PDCD2: variants seen among roughly 807,000 people sequenced by gnomAD.
The protein encoded by PDCD2 is uS5 assembly chaperone PDCD2.
PDCD2 carries 38 observed loss-of-function variants against 38.1 expected under a neutral mutation model. The ratio of observed to expected loss-of-function variants is 1.00; its 90% CI spans 0.77 to 1.31. The LOEUF is 1.31. Ranked by LOEUF, PDCD2 falls within the 50% of genes most tolerant of loss-of-function variation. The pLI, the probability that PDCD2 is intolerant of heterozygous loss-of-function variation, is 0.00. For synonymous variants in PDCD2, 205 were observed against 168.9 expected (o/e 1.21, Z -1.66); for missense variants, 473 against 435.7 (o/e 1.09, Z -0.76).
Position 170,580,033 on chromosome 6 carries a change from A to C in PDCD2, c.731T>G (p.Phe244Cys), listed in dbSNP as rs1377713500. ...ESREDKIFQK[F>C]KTQIALEPEQ... ...TGGTTCAAGGGCTATCTGAGTTTTA[A>C]ACTTCTGAAAAATTTTATCTTCCCT... Residue 244 changes from phenylalanine (F) to cysteine (C), a missense_variant, in exon 4 of 6, where the codon TTT becomes TGT. Phe to Cys is a radical substitution (Grantham distance 205). Coordinates refer to ENST00000541970, the MANE Select transcript of PDCD2 (RefSeq NM_002598.4). 4 of 1,609,106 alleles carry C rather than the reference A, an allele frequency of 2.5e-6. No individual in the cohort carries two copies. The highest frequency in any genetic ancestry group is 3.4e-6 in the Non-Finnish European group (4 of 1,175,560).
Position 170,584,437 on chromosome 6 carries a change from G to A in PDCD2, c.145C>T (p.Leu49=), listed in dbSNP as rs1260727509. Residue 49 remains leucine (L), a synonymous_variant, in exon 1 of 6, where the codon CTG becomes TTG. Coordinates refer to ENST00000541970, the MANE Select transcript of PDCD2 (RefSeq NM_002598.4). ...GGGCGGCCGCACAGCTCGCAGGCCA[G>A]GGCCTGGGGCCCCGGCAGCCCGGCC... The part of the protein sequence containing the change: ...GAAGLPGPQA[L]ACELCGRPLS... 9 of 1,342,600 alleles carry A rather than the reference G, an allele frequency of 6.7e-6. No homozygotes were observed. The highest frequency in any genetic ancestry group is 1.5e-5 in the African/African-American group (1 of 65,964). The allele number at this position is 1,342,600 out of a possible 1,614,324, so 83.2% of individuals were successfully genotyped here. A position where few individuals can be genotyped will look rare whatever the true frequency, so the allele number is the denominator to read the frequency against.
Position 170,584,323 on chromosome 6 carries a change from G to T in PDCD2, c.259C>A (p.Gln87Lys). ...CCTCGCAGGCCGGCACAGCACGGCT[G>T]CTCGCGGCAGCAGAAGAGGAAGATG... The part of the protein sequence containing the change: ...RCIFLFCCRE[Q>K]PCCAGLRVFR... The change falls in exon 1 of 6, where the codon CAG becomes AAG. Residue 87 changes from glutamine (Q) to lysine (K), a missense_variant. Physicochemically the swap from Gln to Lys is moderately conservative, Grantham distance 53. Coordinates refer to ENST00000541970, the MANE Select transcript of PDCD2 (RefSeq NM_002598.4). The T allele has an allele frequency of 6.7e-7, 1 of 1,496,974 alleles. No homozygotes were observed. Among genetic ancestry groups the T allele is most frequent in the South Asian group, 1.3e-5 (1 of 78,690 alleles). The allele number at this position is 1,496,974 out of a possible 1,614,324, so 92.7% of individuals were successfully genotyped here.
In PDCD2 at chr6:170,578,875, C is replaced by G. The variant is rs1331074417; in HGVS notation, c.858G>C (p.Lys286Asn). 7 of 1,604,648 alleles carry G rather than the reference C, an allele frequency of 4.4e-6. No individual in the cohort carries two copies. Among genetic ancestry groups the G allele is most frequent in the African/African-American group, 4.0e-5 (3 of 74,668 alleles). ...KDIPDCPCGA[K>N]RILEFQVMPQ... The stretch of plus-strand genomic sequence containing the variant: ...GTCATACCTGGAATTCCAATATTCT[C>G]TTGGCACCACAGGGGCAATCTGGAA... The change falls in exon 5 of 6, where the codon AAG (lysine) becomes AAC (asparagine). Residue 286 changes from lysine (K) to asparagine (N), a missense_variant. Physicochemically the swap from Lys to Asn is moderately conservative, Grantham distance 94 (BLOSUM62 0). Transcript: ENST00000541970.
At chr6:170,582,114 A>AGG (rs1779625195) in intron 3 of PDCD2, 1 of 1,532,078 alleles carries the variant, frequency 6.5e-7, no homozygotes, top group African/African-American at 1.4e-5. Context: ...GGCCCCTTCC[A>AGG]GGCAGTCTTC....
At chr6:170,584,223 C>T in intron 1 of PDCD2, 76 bp downstream of exon 1, 1 of 1,295,024 alleles carries the variant, frequency 7.7e-7, no homozygotes, top group Non-Finnish European at 9.8e-7. Flanking sequence ...GCCGCCGTCC[C>T]CCTGGTCGCT....
At position 170,576,268 on chromosome 6, in the gene PDCD2, T is replaced by C. The variant is rs1325523079; in HGVS notation, c.*1291A>G. ...AAATTGCATATGTATACTTATATAATATGGACTACTAGGACAGAACTTTTT... is the reference window on the plus strand; with the variant it reads ...AAATTGCATATGTATACTTATATAACATGGACTACTAGGACAGAACTTTTT... On this transcript the variant is annotated 3_prime_UTR_variant, in exon 6 of 6. Coordinates refer to ENST00000541970, the MANE Select transcript of PDCD2 (RefSeq NM_002598.4). The C allele has an allele frequency of 6.6e-6, 1 of 152,224 alleles. No homozygotes were observed. The highest frequency in any genetic ancestry group is 6.5e-5 in the Admixed American group (1 of 15,288). 9.4% of individuals were successfully genotyped at this position (152,224 alleles called of 1,614,324 possible).
Position 170,584,561 on chromosome 6 carries a change from C to T in PDCD2, c.21G>A (p.Arg7=), listed in dbSNP as rs1280145723. 7.7e-7 allele frequency: 1 copy of T among 1,294,828 alleles called. No individual in the cohort carries two copies. The highest frequency in any genetic ancestry group is 2.4e-5 in the South Asian group (1 of 42,380). The allele number at this position is 1,294,828 out of a possible 1,614,324, so 80.2% of individuals were successfully genotyped here. The change falls in exon 1 of 6, where the codon AGG becomes AGA. Residue 7 remains arginine, a synonymous_variant. Transcript: ENST00000541970. ...ACTCGGCGAAGCCCAGCTCCACAGG[C>T]CTGGCCCCGGCGGCAGCCATGCGGG... MAAAGA[R]PVELGFAESA...
At chr6:170,582,239 A>G in intron 3 of PDCD2, 5 of 1,439,758 alleles carry the variant, frequency 3.5e-6, no homozygotes, top group Non-Finnish European at 4.7e-6. Context: ...GCATCTGACC[A>G]CTGGAGTGTT....
At chr6:170,580,877 T>C (rs1199351844) in intron 3 of PDCD2, among the ~76,000 whole-genome samples, 2 of 152,184 alleles carry the variant, frequency 1.3e-5, no homozygotes, top group East Asian at 3.9e-4. Context: ...GAAGCTAAAA[T>C]AACTGCTTTG....
In PDCD2 at chr6:170,583,597, G is replaced by A. The variant is rs1215519732; in HGVS notation, c.434C>T (p.Thr145Met). Residue 145 changes from threonine to methionine, a missense_variant, in exon 2 of 6, where the codon ACG becomes ATG. Physicochemically the swap from Thr to Met is moderately conservative, Grantham distance 81. Coordinates refer to ENST00000541970, the MANE Select transcript of PDCD2 (RefSeq NM_002598.4). ...ATATGCTTTGTGGCATCTGGAGCAC[G>A]TTTTGGGGCCTAAACAGCCACAAAC... ...CRVCGCLGPK[T>M]CSRCHKAYYC... 3 of 1,613,772 alleles carry A rather than the reference G, an allele frequency of 1.9e-6. No homozygotes were observed. The highest frequency in any genetic ancestry group is 2.5e-6 in the Non-Finnish European group (3 of 1,179,864).
rs1779452570 is a variant in PDCD2 at position 170,576,360 on chromosome 6, G to A, written c.*1199C>T. The A allele has an allele frequency of 6.6e-6, 1 of 152,238 alleles. No homozygotes were observed. Among genetic ancestry groups the A allele is most frequent in the South Asian group, 2.1e-4 (1 of 4,838 alleles). 9.4% of individuals were successfully genotyped at this position (152,238 alleles called of 1,614,324 possible). On this transcript the variant is annotated 3_prime_UTR_variant, in exon 6 of 6. Coordinates refer to ENST00000541970, the MANE Select transcript of PDCD2 (RefSeq NM_002598.4). ...AGTGATGTTACCTATGAAAACGTGA[G>A]GATTTATGGTGGCAATGCATTTCAG...
intron 2 of PDCD2, 50 bp from the exon 3 acceptor site, chr6:170,583,238 G>A (rs781365823): frequency 3.0e-6 from 4 of 1,322,884 alleles, no homozygotes. Context: ...TTTGAAGACA[G>A]TCTAATAATT....
intron 3 of PDCD2, chr6:170,581,230 C>T (rs1779586054): frequency 6.6e-6 from 1 of 152,184 alleles, no homozygotes; most frequent in African/African-American, 2.4e-5. Context: ...CTTCCACCTC[C>T]ATTACTCTGA....
At position 170,576,039 on chromosome 6, in the gene PDCD2, CTT is replaced by C. The variant is rs752399456; in HGVS notation, c.*1518_*1519del. 2.6e-5 allele frequency: 4 copies of C among 152,336 alleles called. No homozygotes were observed. Among genetic ancestry groups the C allele is most frequent in the East Asian group, 3.9e-4 (2 of 5,180 alleles). The allele number at this position is 152,336 out of a possible 1,614,324, so 9.4% of individuals were successfully genotyped here. A position where few individuals can be genotyped will look rare whatever the true frequency, so the allele number is the denominator to read the frequency against. On this transcript the variant is annotated 3_prime_UTR_variant, in exon 6 of 6. Transcript: ENST00000541970. ...TTCCTACTAAGTGTTGCGACCAGCT[CTT>C]GTCACTAGTTGATGACAACTTACTC... is the stretch of plus-strand genomic sequence containing the variant.
At chr6:170,582,612 A>T in intron 3 of PDCD2, 1 of 1,266,954 alleles carries the variant, frequency 7.9e-7, no homozygotes, top group Non-Finnish European at 1.0e-6. Flanking sequence ...CCTCTAAGAT[A>T]CTTGGTCAGC....
Position 170,576,338 on chromosome 6 carries a change from G to A in PDCD2, c.*1221C>T, listed in dbSNP as rs535245864. ...CAAGTAGACAATTACATTAGCAAGTGATGTTACCTATGAAAACGTGAGGAT... is the reference window on the plus strand; with the variant it reads ...CAAGTAGACAATTACATTAGCAAGTAATGTTACCTATGAAAACGTGAGGAT... On this transcript the variant is annotated 3_prime_UTR_variant, in exon 6 of 6. Transcript: ENST00000541970. 7 of 152,338 alleles carry A rather than the reference G, an allele frequency of 4.6e-5. No homozygotes were observed. The South Asian group carries it at 1.4e-3, about 32-fold the overall frequency. 9.4% of individuals were successfully genotyped at this position (152,338 alleles called of 1,614,324 possible).
intron 3 of PDCD2, chr6:170,582,409 C>T (rs768985115): frequency 2.7e-6 from 4 of 1,474,848 alleles, no homozygotes; most frequent in Non-Finnish European, 2.7e-6. Flanking sequence ...GTGTATGGCT[C>T]AAGGCTCAAA....
chr6:170,582,757 A>T, intron 3 of PDCD2: 1 of 1,269,796 alleles, frequency 7.9e-7, no homozygotes, highest in Non-Finnish European at 9.9e-7. Flanking sequence ...CACTATCCCG[A>T]CCCGAGAAAC....
chr6:170,581,153 T>C (rs964885660), intron 3 of PDCD2: 3 of 152,198 alleles, frequency 2.0e-5, no homozygotes, highest in South Asian at 2.1e-4. Context: ...GGAAATACTA[T>C]AATGAACCGC....
Sources: gnomAD v4.1 joint callset for allele counts (sites outside exome capture counted in the v4.1 genomes callset) on GRCh38, gnomAD v4.1.1 for gene constraint, MANE v1.5 for transcripts, NCBI Gene and HGNC (gene_info 2026-07-23, HGNC 2026-07-21) for gene names.